CTTN: variants seen among roughly 807,000 people sequenced by gnomAD.
CTTN encodes the protein cortactin.
CTTN carries 28 observed loss-of-function variants against 84.0 expected under a neutral mutation model. The ratio of observed to expected loss-of-function variants is 0.33; its 90% confidence interval spans 0.25 to 0.46. The LOEUF is 0.46. Ranked by LOEUF, CTTN falls within the 20% of genes least tolerant of loss-of-function variation. The pLI is 1.00. For missense variants in CTTN, 641 were observed against 723.8 expected (o/e 0.89, Z 1.31); for synonymous variants, 301 against 288.8 (o/e 1.04, Z -0.43).
chr11:70,425,318 T>A lies in CTTN; in HGVS notation c.958-14T>A. 1 of 1,608,328 alleles carries A rather than the reference T, an allele frequency of 6.2e-7. No individual in the cohort carries two copies. Among genetic ancestry groups the A allele is most frequent in the Non-Finnish European group, 8.5e-7 (1 of 1,176,788 alleles). ...GAAAAGTGCTCTCCTGACGCCCATG[T>A]CCTGTCTCTGCAGAATGCGTCAACC... is the stretch of plus-strand genomic sequence containing the variant. On this transcript the variant is annotated splice_polypyrimidine_tract_variant and intron_variant, in intron 12 of 17. Transcript: ENST00000301843.
intron 5 of CTTN, chr11:70,410,449 G>C (rs2135558686): frequency 6.2e-6 from 1 of 161,148 alleles, no homozygotes; most frequent in East Asian, 1.7e-4. Context: ...TGTAAATTCG[G>C]CGCGTACCAG....
At chr11:70,434,607 A>G (rs921551460) in intron 17 of CTTN, among the ~76,000 whole-genome samples, 5 of 152,182 alleles carry the variant, frequency 3.3e-5, no homozygotes, top group Admixed American at 1.3e-4. Context: ...TTTGCCCTCC[A>G]TTCCCATTTC....
At chr11:70,404,642 A>G (rs2058022651) in intron 1 of CTTN, among the ~76,000 whole-genome samples, 1 of 152,266 alleles carries the variant, frequency 6.6e-6, no homozygotes, top group African/African-American at 2.4e-5. Flanking sequence ...GAAAATCTCT[A>G]AGAATTATGG....
intron 14 of CTTN, among the ~76,000 whole-genome samples, chr11:70,430,446 T>G (rs1182004978): frequency 6.6e-6 from 1 of 152,156 alleles, no homozygotes; most frequent in Non-Finnish European, 1.5e-5. Flanking sequence ...CGGCCCTGTC[T>G]TCCCATCTCC....
At chr11:70,406,556 A>G (rs2058042965) in intron 2 of CTTN, among the ~76,000 whole-genome samples, 1 of 151,384 alleles carries the variant, frequency 6.6e-6, no homozygotes, top group Non-Finnish European at 1.5e-5. Context: ...TTTATATTTT[A>G]CCACTGCAGT....
rs956279151 is a variant in CTTN at position 70,434,951 on chromosome 11, C to G, written c.1517-75C>G. On this transcript the variant is annotated intron_variant, in intron 17 of 17. Coordinates refer to ENST00000301843, the MANE Select transcript of CTTN (RefSeq NM_005231.4). The stretch of plus-strand genomic sequence containing the variant: ...TGAGCAGGCTGCCTGGGAGCTTGCT[C>G]TGGGTTGTGCTTTTTTTCTGGCAGA... 2.0e-5 allele frequency: 31 copies of G among 1,540,610 alleles called. No individual in the cohort carries two copies. In the African/African-American group the frequency reaches 4.2e-4, roughly 21 times the overall value.
chr11:70,417,590 G>C (rs2058179078), intron 8 of CTTN, among the ~76,000 whole-genome samples: 1 of 151,932 alleles, frequency 6.6e-6, no homozygotes. Flanking sequence ...CCACCTCCCT[G>C]GTTCAAGCAA....
At chr11:70,417,164 A>G (rs755388651) in intron 8 of CTTN, 41 bp downstream of exon 8, 3 of 1,473,156 alleles carry the variant, frequency 2.0e-6, no homozygotes, top group Admixed American at 3.3e-5. Context: ...CGTTTGCTCC[A>G]GAAACACCCA....
In CTTN at chr11:70,436,573, C is replaced by T. The variant is rs980996966; in HGVS notation, c.*1411C>T. ...GAATTCAGAATAAACATTTTTTGAT[C>T]CACTTGCGTGATTTGCTTTGGTCTG... On this transcript the variant is annotated 3_prime_UTR_variant, in exon 18 of 18. Transcript: ENST00000301843. 6.1e-6 allele frequency: 4 copies of T among 660,508 alleles called. No homozygotes were observed. The highest frequency in any genetic ancestry group is 1.0e-5 in the Non-Finnish European group (4 of 391,634). 40.9% of individuals were successfully genotyped at this position (660,508 alleles called of 1,614,324 possible). A position where few individuals can be genotyped will look rare whatever the true frequency, so the allele number is the denominator to read the frequency against.
chr11:70,420,545 A>C, intron 10 of CTTN, 35 bp downstream of exon 10: 1 of 1,530,658 alleles, frequency 6.5e-7, no homozygotes, highest in Non-Finnish European at 9.1e-7. Flanking sequence ...AGATGGTTTT[A>C]GAAGTTTGTT....
Position 70,436,010 on chromosome 11 carries a change from C to T in CTTN, c.*848C>T, listed in dbSNP as rs538440123. On this transcript the variant is annotated 3_prime_UTR_variant, in exon 18 of 18. Coordinates refer to ENST00000301843, the MANE Select transcript of CTTN (RefSeq NM_005231.4). ...GTCACCCATATGGTCCCTGGGCCACCGGGCAGCCTGGGGCGGTGTGTGTGC... is the reference window on the plus strand; with the variant it reads ...GTCACCCATATGGTCCCTGGGCCACTGGGCAGCCTGGGGCGGTGTGTGTGC... 2.3e-5 allele frequency: 33 copies of T among 1,426,940 alleles called. No individual in the cohort carries two copies. Among genetic ancestry groups the T allele is most frequent in the South Asian group, 4.6e-5 (3 of 65,358 alleles). The allele number at this position is 1,426,940 out of a possible 1,614,324, so 88.4% of individuals were successfully genotyped here.
intron 14 of CTTN, among the ~76,000 whole-genome samples, chr11:70,429,716 C>G (rs1373518849): frequency 2.6e-5 from 4 of 152,182 alleles, no homozygotes; most frequent in Non-Finnish European, 4.4e-5. Flanking sequence ...GAGAAAGATG[C>G]CAGAAGTGCA....
intron 14 of CTTN, among the ~76,000 whole-genome samples, 153 bp downstream of exon 14, chr11:70,429,352 A>G (rs566973082): frequency 9.2e-5 from 14 of 152,256 alleles, no homozygotes; most frequent in African/African-American, 3.4e-4. Flanking sequence ...CCATTAAGGC[A>G]CTTGTCACTT....
At chr11:70,426,586 ATT>A (rs755141829) in intron 13 of CTTN, among the ~76,000 whole-genome samples, 1 of 142,742 alleles carries the variant, frequency 7.0e-6, no homozygotes, top group Non-Finnish European at 1.5e-5. Context: ...GCCCAGTTAA[ATT>A]TTTTTTTTTT....
At chr11:70,412,701 G>A (rs574927160) in intron 5 of CTTN, among the ~76,000 whole-genome samples, 18 of 152,074 alleles carry the variant, frequency 1.2e-4, no homozygotes, top group Non-Finnish European at 2.2e-4. Flanking sequence ...TCCATCACGC[G>A]GGGCAGGCTT....
chr11:70,430,164 G>T (rs1342367188), intron 14 of CTTN, among the ~76,000 whole-genome samples: 1 of 152,216 alleles, frequency 6.6e-6, no homozygotes, highest in African/African-American at 2.4e-5. Flanking sequence ...TCCCGTTAGA[G>T]CAAGGCCGCC....
chr11:70,416,893 A>T, intron 7 of CTTN, 120 bp from the exon 8 acceptor site: 2 of 748,148 alleles, frequency 2.7e-6, no homozygotes, highest in East Asian at 2.5e-5. Flanking sequence ...TGTACATTTT[A>T]AAATGTGCGC....
Position 70,435,207 on chromosome 11 carries a change from A to ACAGAT in CTTN, c.*49_*53dup, listed in dbSNP as rs761192172. 21 of 1,535,184 alleles carry ACAGAT rather than the reference A, an allele frequency of 1.4e-5. No homozygotes were observed. In the African/African-American group the frequency reaches 3.0e-4, roughly 22 times the overall value. On this transcript the variant is annotated 3_prime_UTR_variant, in exon 18 of 18. Coordinates refer to ENST00000301843, the MANE Select transcript of CTTN (RefSeq NM_005231.4). ...GAGCTGCGCCCTGGATCCTCACACT[A>ACAGAT]CAGATCAGGCCTTCTTTGGTTCTTG...
chr11:70,405,617 C>A (rs1366336694), intron 2 of CTTN, among the ~76,000 whole-genome samples: 2 of 152,194 alleles, frequency 1.3e-5, no homozygotes, highest in African/African-American at 4.8e-5. Flanking sequence ...GGAAATCTGG[C>A]CCCTTCCCCA....
Sources: allele counts gnomAD v4.1 joint callset (sites outside exome capture counted in the v4.1 genomes callset), GRCh38; gene constraint gnomAD v4.1.1; transcripts MANE v1.5; gene names NCBI Gene and HGNC (gene_info 2026-07-23, HGNC 2026-07-21).